Variants in RLN2 observed in about 807,000 individuals in gnomAD.
RLN2 encodes the protein prorelaxin H2.
A neutral mutation model predicts 7.3 loss-of-function variants in RLN2; 10 were observed. That is an observed-to-expected ratio of 1.36 (90% confidence interval 0.84 to 2.31). RLN2 has a LOEUF of 2.31. Ranked by LOEUF, RLN2 falls within the 30% of genes most tolerant of loss-of-function variation. RLN2 has a pLI of 0.00. For missense variants in RLN2, 298 were observed against 217.6 expected, an observed-to-expected ratio of 1.37 and a Z score of -2.32; for synonymous variants, 103 against 82.3, an observed-to-expected ratio of 1.25 and a Z score of -1.36.
the RLN2 span, among the ~76,000 whole-genome samples, chr9:5,329,649 A>C: frequency 6.6e-6 from 1 of 151,878 alleles, no homozygotes; most frequent in Admixed American, 6.6e-5. Context: ...AACAAAGATC[A>C]AAAGAGACAA....
the RLN2 span, among the ~76,000 whole-genome samples, chr9:5,336,366 T>C: frequency 6.6e-6 from 1 of 152,036 alleles, no homozygotes; most frequent in Non-Finnish European, 1.5e-5. Flanking sequence ...TCATGCACTA[T>C]GCAAGATCTG....
At chr9:5,309,095 A>G (rs1177272526), upstream of RLN2, among the ~76,000 whole-genome samples, 2 of 151,962 alleles carry the variant, frequency 1.3e-5, no homozygotes, top group African/African-American at 4.8e-5. Context: ...GCGTAATCCT[A>G]AGGCAGGAAT....
the RLN2 span, among the ~76,000 whole-genome samples, chr9:5,316,835 T>C: frequency 3.3e-5 from 5 of 152,060 alleles, no homozygotes; most frequent in Admixed American, 6.5e-5. Context: ...GGTCAAATGG[T>C]ATTTCTGGTT....
rs754376856 is a variant in RLN2, at chr9:5,304,628, A to T, written c.-48T>A. ...GGTCGGGACGTTGCAGCCTTTCAGGACTGCAGCTGCTGTGGCCTACACACC... is the reference window on the plus strand; with the variant it reads ...GGTCGGGACGTTGCAGCCTTTCAGGTCTGCAGCTGCTGTGGCCTACACACC... On this transcript the variant is annotated 5_prime_UTR_variant, in exon 1 of 2. Transcript: ENST00000381627. 1 of 1,572,882 alleles carries T rather than the reference A, an allele frequency of 6.4e-7. No individual in the cohort carries two copies. The highest frequency in any genetic ancestry group is 1.7e-5 in the Admixed American group (1 of 59,746).
At chr9:5,318,353 T>C in the RLN2 span, among the ~76,000 whole-genome samples, 1 of 152,090 alleles carries the variant, frequency 6.6e-6, no homozygotes, top group South Asian at 2.1e-4. Flanking sequence ...CGTAATAATA[T>C]GAAATACATT....
chr9:5,321,567 G>T, the RLN2 span, among the ~76,000 whole-genome samples: 1 of 151,674 alleles, frequency 6.6e-6, no homozygotes, highest in African/African-American at 2.4e-5. Context: ...TCAAATATTT[G>T]TTGAAAAAAG....
At chr9:5,315,022 G>A in the RLN2 span, among the ~76,000 whole-genome samples, 1 of 151,958 alleles carries the variant, frequency 6.6e-6, no homozygotes, top group South Asian at 2.1e-4. Context: ...AAGAAGTGCT[G>A]TTCCACCAGA....
At chr9:5,301,310 C>T (rs1816127173) in intron 1 of RLN2, among the ~76,000 whole-genome samples, 1 of 152,184 alleles carries the variant, frequency 6.6e-6, no homozygotes, top group Non-Finnish European at 1.5e-5. Context: ...CTGCTGGACA[C>T]CCAGCTGACA....
the RLN2 span, among the ~76,000 whole-genome samples, chr9:5,314,740 C>A: frequency 1.3e-5 from 2 of 152,008 alleles, no homozygotes; most frequent in East Asian, 3.9e-4. Flanking sequence ...CAAGTGACAT[C>A]TGCCCTCTGC....
the RLN2 span, among the ~76,000 whole-genome samples, chr9:5,323,429 A>C: frequency 1.3e-5 from 2 of 151,892 alleles, no homozygotes; most frequent in Admixed American, 1.3e-4. Context: ...TGTCATCATC[A>C]TTATTTCATC....
the RLN2 span, among the ~76,000 whole-genome samples, chr9:5,315,526 T>C: frequency 2.0e-5 from 3 of 151,992 alleles, no homozygotes; most frequent in Non-Finnish European, 2.9e-5. Flanking sequence ...GCAGAAAGCT[T>C]ATATAATGAA....
At chr9:5,306,276 T>A (rs984819694), upstream of RLN2, among the ~76,000 whole-genome samples, 4 of 151,594 alleles carry the variant, frequency 2.6e-5, no homozygotes, top group Non-Finnish European at 5.9e-5. Context: ...CCTGGCTAAT[T>A]TTTGTATTTT....
At chr9:5,330,518 G>A in the RLN2 span, among the ~76,000 whole-genome samples, 3 of 150,890 alleles carry the variant, frequency 2.0e-5, no homozygotes, top group Non-Finnish European at 2.9e-5. Context: ...GGGGCCTGTA[G>A]TCCCAGCTAC....
chr9:5,329,306 T>C, the RLN2 span, among the ~76,000 whole-genome samples: 9 of 76,494 alleles, frequency 1.2e-4, no homozygotes, highest in Non-Finnish European at 1.9e-4. Context: ...CGAGACTCCA[T>C]CTCAAAAAAA....
the RLN2 span, among the ~76,000 whole-genome samples, chr9:5,324,874 C>T: frequency 6.6e-6 from 1 of 151,914 alleles, no homozygotes; most frequent in Non-Finnish European, 1.5e-5. Context: ...ATAAAAAACT[C>T]AACATATTCA....
upstream of RLN2, among the ~76,000 whole-genome samples, chr9:5,305,436 A>C (rs565811565): frequency 6.6e-6 from 1 of 151,888 alleles, no homozygotes; most frequent in East Asian, 1.9e-4. Context: ...GAAGAAAAAA[A>C]AGCAGTGGAA....
upstream of RLN2, among the ~76,000 whole-genome samples, chr9:5,309,162 A>G (rs1483556450): frequency 1.3e-5 from 2 of 152,046 alleles, no homozygotes; most frequent in East Asian, 1.9e-4. Flanking sequence ...CTACTACAAC[A>G]TATCTCCTCC....
intron 1 of RLN2, among the ~76,000 whole-genome samples, chr9:5,300,885 A>G (rs1298173318): frequency 3.9e-5 from 6 of 152,190 alleles, no homozygotes; most frequent in South Asian, 2.1e-4. Context: ...CTTGAAAAAG[A>G]TATTACTTTA....
At position 5,304,682 on chromosome 9, in the gene RLN2, G is replaced by T; in HGVS notation, c.-102C>A. ...GCCTGTGTGCCTGTCCCGGGCTTTA[G>T]GCTGCTTTCCCTACCCGGCTCAAGC... On this transcript the variant is annotated 5_prime_UTR_variant, in exon 1 of 2. Coordinates refer to ENST00000381627, the MANE Select transcript of RLN2 (RefSeq NM_134441.3). The T allele has an allele frequency of 8.1e-7, 1 of 1,236,424 alleles. No homozygotes were observed. Among genetic ancestry groups the T allele is most frequent in the South Asian group, 1.3e-5 (1 of 75,876 alleles). 76.6% of individuals were successfully genotyped at this position (1,236,424 alleles called of 1,614,324 possible).
Sources: allele counts gnomAD v4.1 joint callset (sites outside exome capture counted in the v4.1 genomes callset), GRCh38; gene constraint gnomAD v4.1.1; transcripts MANE v1.5; gene names NCBI Gene and HGNC (gene_info 2026-07-23, HGNC 2026-07-21).